Variants in DGKH observed in about 807,000 individuals in gnomAD.
The protein encoded by DGKH is diacylglycerol kinase eta, also known as DAG kinase eta.
In DGKH, 90 loss-of-function variants were observed where a neutral mutation model predicts 159.3. That is an observed-to-expected ratio of 0.57 (90% CI 0.48 to 0.67). DGKH has a LOEUF of 0.67. Among genes scored for constraint, DGKH ranks in the 30% least tolerant of loss-of-function variants. The pLI, the probability that DGKH is intolerant of heterozygous loss-of-function variation, is 0.00. For synonymous variants in DGKH, 536 were observed against 553.8 expected (o/e 0.97, Z 0.45); for missense variants, 1,181 against 1,506.1 (o/e 0.78, Z 3.57).
chr13:42,159,872 A>G, intron 6 of DGKH, 139 bp from the exon 7 acceptor site: 1 of 1,237,242 alleles, frequency 8.1e-7, no homozygotes, highest in Admixed American at 2.3e-5. Flanking sequence ...ATGCTCAATA[A>G]ACGTGGGGTA....
downstream of DGKH, among the ~76,000 whole-genome samples, chr13:42,243,335 TTTC>T (rs1958549802): frequency 6.6e-6 from 1 of 152,250 alleles, no homozygotes; most frequent in African/African-American, 2.4e-5. Context: ...TGATAGTTCA[TTTC>T]TTCTTATTGC....
At chr13:42,150,865 T>A (rs1594100069) in intron 3 of DGKH, among the ~76,000 whole-genome samples, 1 of 152,226 alleles carries the variant, frequency 6.6e-6, no homozygotes, top group Middle Eastern at 3.4e-3. Flanking sequence ...AGAAACTTTG[T>A]AATTGTGATC....
chr13:42,198,455 T>C (rs778089084), intron 17 of DGKH, 23 bp from the exon 18 acceptor site: 1 of 1,597,800 alleles, frequency 6.3e-7, no homozygotes, highest in Admixed American at 1.7e-5. Flanking sequence ...TGCGATCCCA[T>C]ATGTGTTTGC....
intron 17 of DGKH, among the ~76,000 whole-genome samples, chr13:42,197,767 T>C (rs2138145155): frequency 6.6e-6 from 1 of 152,294 alleles, no homozygotes. Flanking sequence ...CGTGTTTCCC[T>C]TGTTCTTGTA....
rs745617406 is a variant in DGKH at position 42,199,896 on chromosome 13, G to A, written c.2480G>A (p.Arg827Lys). 40 of 1,609,876 alleles carry A rather than the reference G, an allele frequency of 2.5e-5. No individual in the cohort carries two copies. Among genetic ancestry groups the A allele is most frequent in the Non-Finnish European group, 2.9e-5 (34 of 1,178,362 alleles). Residue 827 changes from arginine to lysine, a missense_variant, in exon 20 of 30, where the codon AGG becomes AAG. Transcript: ENST00000337343. Reference protein sequence around the residue: ...LQRSYKNLEQRVQLECDGQYI... With the variant: ...LQRSYKNLEQKVQLECDGQYI... Reference sequence around the variant, plus strand: ...AGATCGTACAAGAATTTAGAACAAAGGGTTCAACTTGAGGTAAGTTCATCT... The same window carrying A: ...AGATCGTACAAGAATTTAGAACAAAAGGTTCAACTTGAGGTAAGTTCATCT...
At chr13:42,106,847 C>T (rs1341016474) in intron 1 of DGKH, among the ~76,000 whole-genome samples, 1 of 151,168 alleles carries the variant, frequency 6.6e-6, no homozygotes, top group East Asian at 1.9e-4. Context: ...TCAAGACCAG[C>T]GTGGCTAAGA....
chr13:42,062,935 G>C (rs1261963435), intron 1 of DGKH, among the ~76,000 whole-genome samples: 3 of 152,072 alleles, frequency 2.0e-5, no homozygotes, highest in African/African-American at 7.2e-5. Context: ...GGGATGGAGT[G>C]ATATGTTCTT....
chr13:42,205,233 A>G (rs986640036), intron 20 of DGKH, among the ~76,000 whole-genome samples: 1 of 152,194 alleles, frequency 6.6e-6, no homozygotes, highest in Non-Finnish European at 1.5e-5. Flanking sequence ...ATGATCATAA[A>G]ATGTATGTAA....
Position 42,116,792 on chromosome 13 carries a change from T to C in DGKH, c.193-10671T>C, listed in dbSNP as rs539645908. On this transcript the variant is annotated intron_variant, in intron 1 of 29. Coordinates refer to ENST00000337343, the MANE Select transcript of DGKH (RefSeq NM_178009.5). ...TATAATTTAAAAGAGAAATTACTTT[T>C]ATTTTCTTTAAGCAAAGGGCATGAA... Among the ~76,000 whole-genome samples, 48 of 152,350 alleles carry C rather than the reference T, an allele frequency of 3.2e-4. 2 individuals are homozygous for C. The South Asian group carries it at 8.1e-3, about 26-fold the overall frequency.
chr13:42,099,503 G>T (rs1436477100), intron 1 of DGKH, among the ~76,000 whole-genome samples: 1 of 152,172 alleles, frequency 6.6e-6, no homozygotes, highest in African/African-American at 2.4e-5. Context: ...GAGAAGACCT[G>T]AGAGAGCAGG....
chr13:42,047,968 A>G (rs1566073190), upstream of DGKH, among the ~76,000 whole-genome samples: 1 of 150,458 alleles, frequency 6.6e-6, no homozygotes, highest in Non-Finnish European at 1.5e-5. Context: ...AAAAGTTCTC[A>G]GAGCGGAGCT....
At chr13:42,067,030 C>T (rs1474419129) in intron 1 of DGKH, among the ~76,000 whole-genome samples, 3 of 151,758 alleles carry the variant, frequency 2.0e-5, no homozygotes, top group African/African-American at 4.8e-5. Flanking sequence ...TATGTATATA[C>T]ACATATTCTT....
intron 1 of DGKH, among the ~76,000 whole-genome samples, chr13:42,054,037 G>T (rs1242636966): frequency 6.6e-6 from 1 of 152,230 alleles, no homozygotes; most frequent in Admixed American, 6.5e-5. Context: ...TGGTAAGGCA[G>T]TATATGAAAG....
At chr13:42,181,002 C>T (rs893375563) in intron 13 of DGKH, among the ~76,000 whole-genome samples, 2 of 152,028 alleles carry the variant, frequency 1.3e-5, no homozygotes, top group Non-Finnish European at 2.9e-5. Context: ...TTCGGCCGGG[C>T]GCGGTGGCTC....
chr13:42,117,944 G>A (rs1954993869), intron 1 of DGKH, among the ~76,000 whole-genome samples: 1 of 152,136 alleles, frequency 6.6e-6, no homozygotes, highest in Non-Finnish European at 1.5e-5. Context: ...CCGGCCAGGC[G>A]TGGTGGCTCA....
intron 1 of DGKH, among the ~76,000 whole-genome samples, chr13:42,050,847 A>ACT (rs10651713): frequency 0.55 from 82,823 of 151,758 alleles, 23,676 homozygotes; most frequent in African/African-American, 0.71. Context: ...ATGAAGCGAG[A>ACT]CTGTCTCTTA....
At chr13:42,219,162 G>A in intron 26 of DGKH, 68 bp from the exon 27 acceptor site, 1 of 1,588,190 alleles carries the variant, frequency 6.3e-7, no homozygotes, top group Non-Finnish European at 8.6e-7. Context: ...AAAGTACAAT[G>A]ATTTATTCTA....
chr13:42,174,362 C>T (rs541497067), intron 12 of DGKH, among the ~76,000 whole-genome samples: 8 of 152,078 alleles, frequency 5.3e-5, no homozygotes, highest in Non-Finnish European at 1.2e-4. Flanking sequence ...CCACCCACAC[C>T]GGGAGTGCCC....
intron 1 of DGKH, among the ~76,000 whole-genome samples, chr13:42,041,531 A>C (rs1057383990): frequency 1.3e-5 from 2 of 152,254 alleles, no homozygotes; most frequent in African/African-American, 4.8e-5. Flanking sequence ...GAGTAATTTT[A>C]GGAACCAAGA....
Sources: gnomAD v4.1 joint callset for allele counts (sites outside exome capture counted in the v4.1 genomes callset) on GRCh38, gnomAD v4.1.1 for gene constraint, MANE v1.5 for transcripts, NCBI Gene and HGNC (gene_info 2026-07-23, HGNC 2026-07-21) for gene names.